FAM135B: variants seen among roughly 807,000 people sequenced by gnomAD.
FAM135B encodes family with sequence similarity 135 member B.
FAM135B carries 43 observed loss-of-function variants against 127.7 expected under a neutral mutation model. That is an observed-to-expected ratio of 0.34 (90% confidence interval 0.26 to 0.43). FAM135B has a LOEUF of 0.43. Among genes scored for constraint, FAM135B ranks in the 20% least tolerant of loss-of-function variants. FAM135B has a pLI of 1.00. For synonymous variants in FAM135B, 670 were observed against 665.1 expected, an observed-to-expected ratio of 1.01 and a Z score of -0.11; for missense variants, 1,558 against 1,725.6, an observed-to-expected ratio of 0.90 and a Z score of 1.72.
At chr8:138,405,555 A>G (rs1014869719) in intron 1 of FAM135B, among the ~76,000 whole-genome samples, 1 of 151,584 alleles carries the variant, frequency 6.6e-6, no homozygotes, top group South Asian at 2.1e-4. Flanking sequence ...ATCATTTTTC[A>G]TGGCTGCATA....
At chr8:138,144,059 C>T (rs1349171879) in intron 15 of FAM135B, among the ~76,000 whole-genome samples, 1 of 152,258 alleles carries the variant, frequency 6.6e-6, no homozygotes, top group African/African-American at 2.4e-5. Flanking sequence ...TGCTTCCCAT[C>T]TAAACCTCAG....
intron 1 of FAM135B, among the ~76,000 whole-genome samples, chr8:138,458,951 T>C (rs1836963751): frequency 2.0e-5 from 3 of 152,062 alleles, no homozygotes; most frequent in Admixed American, 2.0e-4. Flanking sequence ...CGGCATGTAC[T>C]GGTGGCCACA....
At chr8:138,181,120 A>G (rs899618939) in intron 9 of FAM135B, among the ~76,000 whole-genome samples, 2 of 152,074 alleles carry the variant, frequency 1.3e-5, no homozygotes, top group Non-Finnish European at 2.9e-5. Context: ...AGGTGCCTAT[A>G]GTCCCAGCTA....
At chr8:138,272,175 T>C (rs1475381936) in intron 3 of FAM135B, among the ~76,000 whole-genome samples, 1 of 152,142 alleles carries the variant, frequency 6.6e-6, no homozygotes, top group East Asian at 1.9e-4. Flanking sequence ...CTCTCCTCAC[T>C]TCAAATGCAC....
intron 3 of FAM135B, chr8:138,309,075 C>A (rs111789016): frequency 2.3e-6 from 1 of 430,168 alleles, no homozygotes; most frequent in African/African-American, 2.1e-5. Flanking sequence ...ATTTCTAAGA[C>A]AAATATCTAT....
At chr8:138,362,952 G>A (rs978556780) in intron 2 of FAM135B, among the ~76,000 whole-genome samples, 6 of 152,114 alleles carry the variant, frequency 3.9e-5, no homozygotes, top group Admixed American at 3.3e-4. Flanking sequence ...ATGTGCCTTA[G>A]GAATATGGAA....
At chr8:138,401,859 G>A (rs1349618518) in intron 1 of FAM135B, among the ~76,000 whole-genome samples, 1 of 152,196 alleles carries the variant, frequency 6.6e-6, no homozygotes, top group East Asian at 1.9e-4. Flanking sequence ...TCTGGCTTAA[G>A]TGGATCATCA....
intron 9 of FAM135B, among the ~76,000 whole-genome samples, chr8:138,182,001 G>C (rs893845832): frequency 2.0e-5 from 3 of 152,046 alleles, no homozygotes; most frequent in African/African-American, 7.2e-5. Flanking sequence ...TAGGTGGCTC[G>C]GTGTCCGTGG....
At chr8:138,445,265 T>A (rs1289075241) in intron 1 of FAM135B, among the ~76,000 whole-genome samples, 1 of 152,086 alleles carries the variant, frequency 6.6e-6, no homozygotes, top group African/African-American at 2.4e-5. Flanking sequence ...ACTATTCCAA[T>A]CAACAGAAAA....
intron 1 of FAM135B, among the ~76,000 whole-genome samples, chr8:138,393,989 C>A (rs1395254151): frequency 1.3e-5 from 2 of 152,150 alleles, no homozygotes; most frequent in African/African-American, 2.4e-5. Flanking sequence ...GGGAACCAAG[C>A]AGCTGGCATG....
chr8:138,276,897 G>T (rs1360556379), intron 3 of FAM135B, among the ~76,000 whole-genome samples: 3 of 152,210 alleles, frequency 2.0e-5, no homozygotes, highest in Non-Finnish European at 4.4e-5. Flanking sequence ...GAATGATAGA[G>T]AAGGTGAGGG....
intron 1 of FAM135B, chr8:138,459,443 G>T (rs984815225): frequency 6.6e-6 from 1 of 152,134 alleles, no homozygotes; most frequent in African/African-American, 2.4e-5. Flanking sequence ...CTCCATGTCC[G>T]TGACAGTCTG....
intron 1 of FAM135B, among the ~76,000 whole-genome samples, chr8:138,368,421 G>A (rs187350581): frequency 6.8e-4 from 103 of 152,298 alleles, no homozygotes; most frequent in Non-Finnish European, 9.8e-4. Flanking sequence ...CATCTGTAAC[G>A]TGAGGACTGG....
At chr8:138,451,015 T>G (rs573208223) in intron 1 of FAM135B, among the ~76,000 whole-genome samples, 1 of 152,338 alleles carries the variant, frequency 6.6e-6, no homozygotes, top group African/African-American at 2.4e-5. Flanking sequence ...TATGAAGTGC[T>G]GTGATCCAAA....
chr8:138,209,063 T>G (rs1265528732), intron 7 of FAM135B, among the ~76,000 whole-genome samples: 1 of 152,194 alleles, frequency 6.6e-6, no homozygotes. Context: ...GGTTTCTATA[T>G]ATTCCTCAGC....
intron 16 of FAM135B, 127 bp downstream of exon 16, chr8:138,142,885 T>C: frequency 1.7e-6 from 1 of 600,944 alleles, no homozygotes; most frequent in Non-Finnish European, 3.0e-6. Flanking sequence ...AAGTAATTTA[T>C]TAAAAGTCAC....
intron 1 of FAM135B, among the ~76,000 whole-genome samples, chr8:138,383,671 C>T (rs774773068): frequency 7.2e-5 from 11 of 152,146 alleles, no homozygotes; most frequent in Admixed American, 1.3e-4. Flanking sequence ...TGTGTGTGAG[C>T]GGCAACTGAT....
chr8:138,309,922 T>A (rs1365282820), intron 3 of FAM135B, among the ~76,000 whole-genome samples: 2 of 149,598 alleles, frequency 1.3e-5, no homozygotes, highest in South Asian at 4.2e-4. Context: ...TGGAGTGCAG[T>A]GCAGTGGCAC....
At chr8:138,170,139 G>A (rs1234869248) in intron 11 of FAM135B, among the ~76,000 whole-genome samples, 1 of 151,926 alleles carries the variant, frequency 6.6e-6, no homozygotes, top group African/African-American at 2.4e-5. Flanking sequence ...TTGATGCACA[G>A]CCAGTGCAGT....
Sources: allele counts gnomAD v4.1 joint callset (sites outside exome capture counted in the v4.1 genomes callset), GRCh38; gene constraint gnomAD v4.1.1; transcripts MANE v1.5; gene names NCBI Gene and HGNC (gene_info 2026-07-23, HGNC 2026-07-21).